ADGRL2: variants seen among roughly 807,000 people sequenced by gnomAD.
ADGRL2 encodes the protein calcium-independent alpha-latrotoxin receptor 2.
In ADGRL2, 44 loss-of-function variants were observed where a neutral mutation model predicts 157.4. The ratio of observed to expected loss-of-function variants is 0.28; its 90% CI spans 0.22 to 0.36. ADGRL2 has a LOEUF of 0.36. Among genes scored for constraint, ADGRL2 ranks in the 10% least tolerant of loss-of-function variants. The pLI, the probability that ADGRL2 is intolerant of heterozygous loss-of-function variation, is 1.00. For synonymous variants in ADGRL2, 585 were observed against 624.7 expected, an observed-to-expected ratio of 0.94 and a Z score of 0.95; for missense variants, 1,510 against 1,768.9, an observed-to-expected ratio of 0.85 and a Z score of 2.63.
chr1:81,517,200 C>T (rs554594518), intron 2 of ADGRL2, among the ~76,000 whole-genome samples: 4 of 152,030 alleles, frequency 2.6e-5, no homozygotes, highest in East Asian at 3.9e-4. Context: ...CGGCCGGGCA[C>T]GGTGGCTCAC....
chr1:81,384,899 C>T (rs969502670), intron 1 of ADGRL2, among the ~76,000 whole-genome samples: 1 of 152,108 alleles, frequency 6.6e-6, no homozygotes, highest in African/African-American at 2.4e-5. Flanking sequence ...AATTTTCAGA[C>T]AAATTACCTT....
intron 1 of ADGRL2, among the ~76,000 whole-genome samples, chr1:81,411,257 C>A (rs1398477640): frequency 1.3e-5 from 2 of 152,218 alleles, no homozygotes; most frequent in Non-Finnish European, 2.9e-5. Context: ...ATTTATATGT[C>A]ATCTCTCAAA....
At chr1:81,986,820 A>T in intron 21 of ADGRL2, 81 bp from the exon 22 acceptor site, 1 of 1,420,410 alleles carries the variant, frequency 7.0e-7, no homozygotes, top group Admixed American at 2.1e-5. Context: ...TAAAAAAAAT[A>T]GTTGACTACA....
chr1:81,307,461 C>G (rs1659423511), intron 1 of ADGRL2, among the ~76,000 whole-genome samples: 2 of 152,164 alleles, frequency 1.3e-5, no homozygotes, highest in South Asian at 4.1e-4. Context: ...TTGACTAGTA[C>G]AAATATAATT....
intron 2 of ADGRL2, among the ~76,000 whole-genome samples, chr1:81,534,070 G>C: frequency 6.6e-6 from 1 of 152,214 alleles, no homozygotes; most frequent in East Asian, 1.9e-4. Context: ...TTATTAAAAT[G>C]TGGGTGTCAT....
At chr1:81,446,604 G>A (rs1477522209) in intron 2 of ADGRL2, among the ~76,000 whole-genome samples, 2 of 152,098 alleles carry the variant, frequency 1.3e-5, no homozygotes, top group Non-Finnish European at 2.9e-5. Context: ...TTTCTTTCAG[G>A]AGTAAGGTAA....
intron 2 of ADGRL2, among the ~76,000 whole-genome samples, chr1:81,495,040 T>A (rs2147975604): frequency 6.6e-6 from 1 of 152,218 alleles, no homozygotes; most frequent in Middle Eastern, 3.4e-3. Flanking sequence ...ATCAGAAAAC[T>A]GCAGCTCTAA....
chr1:81,812,865 AAACTGCTGACT>A (rs1222806632), intron 1 of ADGRL2, among the ~76,000 whole-genome samples: 1 of 151,812 alleles, frequency 6.6e-6, no homozygotes, highest in East Asian at 1.9e-4. Context: ...ATGATTTAGA[AAACTGCTGACT>A]AACTTGGGAA....
At chr1:81,922,691 C>CT (rs922946204) in intron 3 of ADGRL2, among the ~76,000 whole-genome samples, 8 of 151,846 alleles carry the variant, frequency 5.3e-5, no homozygotes, top group African/African-American at 1.2e-4. Flanking sequence ...TCTTCTACCA[C>CT]TTTTTTTTAA....
chr1:81,580,468 G>T (rs946632997), intron 2 of ADGRL2, among the ~76,000 whole-genome samples: 1 of 152,050 alleles, frequency 6.6e-6, no homozygotes, highest in Non-Finnish European at 1.5e-5. Flanking sequence ...GATGCTGGGT[G>T]CCCAGTTTTT....
Position 81,449,969 on chromosome 1 carries a change from C to A in ADGRL2, c.-248+4880C>A, listed in dbSNP as rs374006193. Among the ~76,000 whole-genome samples, 54 of 152,256 alleles carry A rather than the reference C, an allele frequency of 3.5e-4. No homozygotes were observed. In the East Asian group the frequency reaches 6.4e-3, roughly 18 times the overall value. On this transcript the variant is annotated intron_variant, in intron 2 of 24. Coordinates refer to the ADGRL2 transcript ENST00000370721. ...TAACCCCATTTCTCTGAATAGAAAA[C>A]CAGAGTCTCTGAGGCTTATCAAGCA...
In ADGRL2 at chr1:81,308,615, C is replaced by A. The variant is rs372034449; in HGVS notation, c.-302+2106C>A. Among the ~76,000 whole-genome samples, 6 of 152,246 alleles carry A rather than the reference C, an allele frequency of 3.9e-5. No homozygotes were observed. In the South Asian group the frequency reaches 1.2e-3, roughly 32 times the overall value. ...AACAATGAGACATTCTCTTTTCAAC[C>A]AAATTACCAGGGTTTGACAGGTATA... On this transcript the variant is annotated intron_variant, in intron 1 of 24. Transcript: ENST00000370721.
At chr1:81,408,017 T>C (rs4650539) in intron 1 of ADGRL2, among the ~76,000 whole-genome samples, 65,394 of 152,022 alleles carry the variant, frequency 0.43, 14,295 homozygotes, top group East Asian at 0.54. Flanking sequence ...TTATAGACAA[T>C]GAGGTTGTTA....
chr1:81,439,396 T>C (rs10430057), intron 1 of ADGRL2, among the ~76,000 whole-genome samples: 3,601 of 152,314 alleles, frequency 0.024, 72 homozygotes, highest in African/African-American at 0.042. Context: ...CCTTTCTGTC[T>C]CTCTTATTCC....
rs554855389 is a variant in ADGRL2 at position 81,710,830 on chromosome 1, A to G, written c.-143+11022A>G. On this transcript the variant is annotated intron_variant, in intron 1 of 20. Transcript: ENST00000359929. The stretch of plus-strand genomic sequence containing the variant: ...GATAAATGTGCTATTCTTCTTTGAT[A>G]TTGAATAAAACTTTGACAAATAGTT... Among the ~76,000 whole-genome samples, 79 of 151,750 alleles carry G rather than the reference A, an allele frequency of 5.2e-4. 1 individual carries two copies. Among genetic ancestry groups the G allele is most frequent in the Admixed American group, 2.3e-3 (35 of 15,172 alleles).
chr1:81,316,301 A>G (rs979923702), intron 1 of ADGRL2, among the ~76,000 whole-genome samples: 2 of 152,174 alleles, frequency 1.3e-5, no homozygotes, highest in Non-Finnish European at 2.9e-5. Context: ...GATCAATTTT[A>G]CATTATTTTA....
chr1:81,604,125 G>T (rs1039522374), intron 3 of ADGRL2, among the ~76,000 whole-genome samples: 2 of 151,906 alleles, frequency 1.3e-5, no homozygotes, highest in Non-Finnish European at 2.9e-5. Flanking sequence ...CACCACACCC[G>T]GTTAATTTTT....
At chr1:81,933,442 A>G (rs939751732) in intron 3 of ADGRL2, among the ~76,000 whole-genome samples, 3 of 152,186 alleles carry the variant, frequency 2.0e-5, no homozygotes, top group African/African-American at 7.2e-5. Context: ...CATGCCAGGA[A>G]CTGTGCCCAG....
Position 81,314,027 on chromosome 1 carries a change from A to G in ADGRL2, c.-302+7518A>G, listed in dbSNP as rs186659980. Among the ~76,000 whole-genome samples the G allele has an allele frequency of 5.9e-5, 9 of 152,300 alleles. No homozygotes were observed. The East Asian group carries it at 1.5e-3, about 26-fold the overall frequency. ...GTTAGTGTAATTACGTCGATAGTGA[A>G]AGATAAACATGTATTAGGCAGTGCA... On this transcript the variant is annotated intron_variant, in intron 1 of 24. Coordinates refer to the ADGRL2 transcript ENST00000370721.
Sources: gnomAD v4.1 joint callset for allele counts (sites outside exome capture counted in the v4.1 genomes callset) on GRCh38, gnomAD v4.1.1 for gene constraint, MANE v1.5 for transcripts, NCBI Gene and HGNC (gene_info 2026-07-23, HGNC 2026-07-21) for gene names.